Variants in SGPP2 observed in about 807,000 individuals in gnomAD.
SGPP2 encodes the protein sphingosine-1-phosphate phosphatase 2.
In SGPP2, 30 loss-of-function variants were observed where a neutral mutation model predicts 33.9. The observed-to-expected ratio is 0.89, with a 90% CI of 0.66 to 1.20. SGPP2 has a LOEUF of 1.20. Among genes scored for constraint, SGPP2 ranks in the 50% most tolerant of loss-of-function variants. The pLI, the probability that SGPP2 is intolerant of heterozygous loss-of-function variation, is 0.00. For synonymous variants in SGPP2, 233 were observed against 225.0 expected (o/e 1.04, Z -0.32); for missense variants, 458 against 532.1 (o/e 0.86, Z 1.37).
chr2:222,431,961 C>T (rs905542827), intron 1 of SGPP2, among the ~76,000 whole-genome samples: 3 of 152,178 alleles, frequency 2.0e-5, no homozygotes, highest in South Asian at 2.1e-4. Flanking sequence ...ACCCACCCAG[C>T]GCAGGTTGCA....
chr2:222,542,488 T>G lies in SGPP2; in HGVS notation c.649-15859T>G, dbSNP rs185768701. On this transcript the variant is annotated intron_variant, in intron 4 of 4. Coordinates refer to ENST00000321276, the MANE Select transcript of SGPP2 (RefSeq NM_152386.4). Reference sequence around the variant, plus strand: ...ATATGTTCAGCTTTAGTATGTTCCATTGTTTTCCAAAGAATTTTAACAATT... The same window carrying G: ...ATATGTTCAGCTTTAGTATGTTCCAGTGTTTTCCAAAGAATTTTAACAATT... 3.3e-5 allele frequency among the ~76,000 whole-genome samples: 5 copies of G among 152,316 alleles called. No individual in the cohort carries two copies. The East Asian group carries it at 7.7e-4, about 23-fold the overall frequency.
chr2:222,492,253 C>T (rs1057473414), intron 2 of SGPP2, among the ~76,000 whole-genome samples: 1 of 152,200 alleles, frequency 6.6e-6, no homozygotes, highest in Non-Finnish European at 1.5e-5. Context: ...TCCCCACTGC[C>T]CTAACAGAGG....
intron 2 of SGPP2, among the ~76,000 whole-genome samples, chr2:222,508,708 A>T (rs193173418): frequency 1.3e-5 from 2 of 152,206 alleles, no homozygotes; most frequent in African/African-American, 4.8e-5. Flanking sequence ...AAGAATGAGA[A>T]AATGTTGTAA....
chr2:222,562,568 C>T lies in SGPP2; in HGVS notation c.*3670C>T, dbSNP rs116380070. ...CTTATGTACTGTATGTAAATTTATT[C>T]TTTTTAAAAATCACTTTTATTTGAT... On this transcript the variant is annotated 3_prime_UTR_variant, in exon 5 of 5. Coordinates refer to ENST00000321276, the MANE Select transcript of SGPP2 (RefSeq NM_152386.4). Among the ~76,000 whole-genome samples, 849 of 152,244 alleles carry T rather than the reference C, an allele frequency of 5.6e-3. 4 individuals carry two copies. The highest frequency in any genetic ancestry group is 0.02 in the African/African-American group (812 of 41,556).
chr2:222,552,897 C>T (rs902825524), intron 4 of SGPP2, among the ~76,000 whole-genome samples: 1 of 152,064 alleles, frequency 6.6e-6, no homozygotes, highest in African/African-American at 2.4e-5. Context: ...TGTAACCAAC[C>T]ACCACCTGTT....
intron 4 of SGPP2, among the ~76,000 whole-genome samples, chr2:222,536,732 C>T (rs748908853): frequency 5.9e-5 from 9 of 151,812 alleles, no homozygotes; most frequent in Non-Finnish European, 1.0e-4. Flanking sequence ...TTTCTTTGGC[C>T]CCTTGGGAAA....
chr2:222,472,441 G>A (rs1697858878), intron 1 of SGPP2, among the ~76,000 whole-genome samples: 1 of 152,042 alleles, frequency 6.6e-6, no homozygotes, highest in African/African-American at 2.4e-5. Flanking sequence ...GGAGTCAGTT[G>A]GTCACCAGAA....
At chr2:222,540,598 G>A (rs1240397813) in intron 4 of SGPP2, among the ~76,000 whole-genome samples, 1 of 152,050 alleles carries the variant, frequency 6.6e-6, no homozygotes, top group Non-Finnish European at 1.5e-5. Flanking sequence ...GAACACCTGG[G>A]AACGGTGCGC....
At chr2:222,484,178 TATCAACC>T (rs1698070223) in intron 2 of SGPP2, among the ~76,000 whole-genome samples, 1 of 152,144 alleles carries the variant, frequency 6.6e-6, no homozygotes, top group African/African-American at 2.4e-5. Context: ...TCTCTCTAAT[TATCAACC>T]ATCTTTACCA....
chr2:222,443,715 A>G (rs1697358975), intron 1 of SGPP2, among the ~76,000 whole-genome samples: 1 of 151,870 alleles, frequency 6.6e-6, no homozygotes. Context: ...TGCTACAGGG[A>G]TCTTGGCTAT....
Position 222,550,960 on chromosome 2 carries a change from GTTTGAATATGCTGTATA to G in SGPP2, c.649-7383_649-7367del, listed in dbSNP as rs536299554. ...AGGAGTGGAATCACTGGGTCTAGGTGTTTGAATATGCTGTATATTTTGTATACTTTGTAGTCTAGTTA... is the reference window on the plus strand; with the variant it reads ...AGGAGTGGAATCACTGGGTCTAGGTGTTTTGTATACTTTGTAGTCTAGTTA... On this transcript the variant is annotated intron_variant, in intron 4 of 4. Coordinates refer to ENST00000321276, the MANE Select transcript of SGPP2 (RefSeq NM_152386.4). The surrounding 1 kb of genome is among the most constrained non-coding windows in gnomAD (Gnocchi z 4.5). 3.6e-3 allele frequency among the ~76,000 whole-genome samples: 538 copies of G among 151,300 alleles called. 3 individuals carry two copies. Among genetic ancestry groups the G allele is most frequent in the African/African-American group, 0.013 (520 of 40,696 alleles).
intron 2 of SGPP2, among the ~76,000 whole-genome samples, chr2:222,489,964 T>C (rs1169112332): frequency 6.6e-6 from 1 of 152,074 alleles, no homozygotes; most frequent in Non-Finnish European, 1.5e-5. Context: ...AAACTCTGTC[T>C]CAAAAATAAA....
intron 4 of SGPP2, among the ~76,000 whole-genome samples, chr2:222,546,093 A>G (rs1689190266): frequency 1.3e-5 from 2 of 152,256 alleles, no homozygotes; most frequent in South Asian, 2.1e-4. Flanking sequence ...TCCTTAAAAC[A>G]TGCTCACTTG....
At chr2:222,452,279 A>G (rs187743551) in intron 1 of SGPP2, 2 of 515,400 alleles carry the variant, frequency 3.9e-6, no homozygotes, top group Admixed American at 5.3e-5. Context: ...GGATAGGCAT[A>G]ATGGAAACCA....
chr2:222,448,894 G>C (rs1055986033), intron 1 of SGPP2, among the ~76,000 whole-genome samples: 3 of 152,200 alleles, frequency 2.0e-5, no homozygotes, highest in African/African-American at 7.2e-5. Context: ...CAGTCATCCA[G>C]TTGACAAAGG....
chr2:222,439,117 A>G lies in SGPP2; in HGVS notation c.219+14296A>G, dbSNP rs191169800. Among the ~76,000 whole-genome samples the G allele has an allele frequency of 1.0e-3, 156 of 152,272 alleles. 5 individuals carry two copies. In the East Asian group the frequency reaches 0.026, roughly 25 times the overall value. On this transcript the variant is annotated intron_variant, in intron 1 of 4. Transcript: ENST00000321276. Reference sequence around the variant, plus strand: ...TGATGTTTTGGGTCCCCTGGAATCAACGTCAGCTCAGAGTCAGTGTCCACT... The same window carrying G: ...TGATGTTTTGGGTCCCCTGGAATCAGCGTCAGCTCAGAGTCAGTGTCCACT...
intron 1 of SGPP2, among the ~76,000 whole-genome samples, chr2:222,436,284 G>T: frequency 6.6e-6 from 1 of 152,172 alleles, no homozygotes; most frequent in Middle Eastern, 3.2e-3. Context: ...TAATGTCACA[G>T]GAACAGGAAG....
chr2:222,478,387 G>A (rs759728130), intron 2 of SGPP2, among the ~76,000 whole-genome samples: 69 of 152,062 alleles, frequency 4.5e-4, no homozygotes, highest in South Asian at 8.3e-4. Context: ...AGTTGAAGGT[G>A]GATGAAAGGA....
intron 1 of SGPP2, among the ~76,000 whole-genome samples, chr2:222,469,425 T>C (rs142383376): frequency 0.016 from 2,485 of 152,290 alleles, 68 homozygotes; most frequent in African/African-American, 0.056. Flanking sequence ...CCTCGTGATC[T>C]ACCTGCCTCG....
Sources: allele counts gnomAD v4.1 joint callset (sites outside exome capture counted in the v4.1 genomes callset), GRCh38; gene constraint gnomAD v4.1.1; non-coding constraint Gnocchi (gnomAD v3.1); transcripts MANE v1.5; gene names NCBI Gene and HGNC (gene_info 2026-07-23, HGNC 2026-07-21).